NELL1: variants seen among roughly 807,000 people sequenced by gnomAD.
NELL1 encodes protein kinase C-binding protein NELL1.
A neutral mutation model predicts 107.4 loss-of-function variants in NELL1; 76 were observed. That is an observed-to-expected ratio of 0.71 (90% CI 0.59 to 0.86). The LOEUF (loss-of-function observed/expected upper bound fraction) is 0.86, where lower values mean the gene tolerates loss of function less well. Ranked by LOEUF, NELL1 falls within the 40% of genes least tolerant of loss-of-function variation. The pLI is 0.00. For missense variants in NELL1, 1,024 were observed against 1,005.5 expected (o/e 1.02, Z -0.25); for synonymous variants, 353 against 341.2 (o/e 1.03, Z -0.38).
chr11:21,209,618 T>C (rs2133858675), intron 13 of NELL1, among the ~76,000 whole-genome samples: 1 of 152,064 alleles, frequency 6.6e-6, no homozygotes, highest in East Asian at 1.9e-4. Flanking sequence ...TTACATAGTA[T>C]AAGTTTTACC....
At chr11:20,712,065 C>G (rs1855125736) in intron 2 of NELL1, among the ~76,000 whole-genome samples, 1 of 152,088 alleles carries the variant, frequency 6.6e-6, no homozygotes, top group South Asian at 2.1e-4. Context: ...TTAGATTTTT[C>G]TTTCTCCTCA....
chr11:20,974,916 C>T (rs190074340), intron 12 of NELL1, among the ~76,000 whole-genome samples: 30 of 152,172 alleles, frequency 2.0e-4, no homozygotes, highest in Non-Finnish European at 2.5e-4. Context: ...GATTTTTTTC[C>T]TAAATCAACT....
At chr11:20,892,832 G>C (rs1255294607) in intron 5 of NELL1, among the ~76,000 whole-genome samples, 1 of 151,128 alleles carries the variant, frequency 6.6e-6, no homozygotes, top group East Asian at 2.0e-4. Context: ...GGGAGGCTGA[G>C]ACAGGAGAAT....
intron 14 of NELL1, among the ~76,000 whole-genome samples, chr11:21,289,608 C>T (rs1391878869): frequency 1.3e-5 from 2 of 152,170 alleles, no homozygotes; most frequent in African/African-American, 4.8e-5. Context: ...AGGGAGCTAA[C>T]TGAAGGAGTT....
chr11:21,189,380 A>G (rs1010230269), intron 13 of NELL1, among the ~76,000 whole-genome samples: 1 of 151,802 alleles, frequency 6.6e-6, no homozygotes, highest in African/African-American at 2.4e-5. Flanking sequence ...TTTTATAATT[A>G]CCTAGTAGCT....
chr11:20,742,481 A>G (rs1855912795), intron 2 of NELL1, among the ~76,000 whole-genome samples: 1 of 152,156 alleles, frequency 6.6e-6, no homozygotes. Flanking sequence ...CACACTGCTA[A>G]TAAACACATA....
At chr11:20,998,317 A>G (rs140828432) in intron 12 of NELL1, among the ~76,000 whole-genome samples, 2 of 152,340 alleles carry the variant, frequency 1.3e-5, no homozygotes, top group Non-Finnish European at 2.9e-5. Flanking sequence ...CTGATAGATT[A>G]ATTTTCCCTC....
chr11:21,462,243 G>A (rs771230209), intron 15 of NELL1, among the ~76,000 whole-genome samples: 1 of 152,060 alleles, frequency 6.6e-6, no homozygotes, highest in Non-Finnish European at 1.5e-5. Context: ...TAACTAGGAA[G>A]GCAGCAGACA....
At position 21,036,896 on chromosome 11, in the gene NELL1, G is replaced by A. The variant is rs115353479; in HGVS notation, c.1300+76336G>A. On this transcript the variant is annotated intron_variant, in intron 12 of 19. Transcript: ENST00000357134. ...TGAAAAACATTTATTTTTATGACAC[G>A]TATTAGATAATACTATTATCTAATG... 3.9e-3 allele frequency among the ~76,000 whole-genome samples: 591 copies of A among 151,902 alleles called. 5 individuals are homozygous for A. The highest frequency in any genetic ancestry group is 0.013 in the African/African-American group (555 of 41,442).
chr11:20,687,703 T>G lies in NELL1; in HGVS notation c.184+9643T>G, dbSNP rs552388338. ...GCCTCCTGGGTTCAAGCGATTCTCC[T>G]ACCTCAGCCTCCTGAGTAGCTGGGA... is the stretch of plus-strand genomic sequence containing the variant. On this transcript the variant is annotated intron_variant, in intron 2 of 19. Transcript: ENST00000357134. Among the ~76,000 whole-genome samples the G allele has an allele frequency of 4.6e-5, 7 of 152,106 alleles. No homozygotes were observed. The East Asian group carries it at 1.4e-3, about 29-fold the overall frequency.
In NELL1 at chr11:21,489,380, C is replaced by CAAAAAAAACAA. The variant is rs1854732919; in HGVS notation, c.1646-44986_1646-44985insCAAAAAAAAAA. ...AACACCAATCTTCCTGAAAGTATTT[C>CAAAAAAAACAA]AAAAAAAAAAAAAAAAAAAAAAAAA... On this transcript the variant is annotated intron_variant, in intron 15 of 19. Transcript: ENST00000357134. Among the ~76,000 whole-genome samples, 2 of 47,800 alleles carry CAAAAAAAACAA rather than the reference C, an allele frequency of 4.2e-5. 1 individual carries two copies. The highest frequency in any genetic ancestry group is 8.1e-5 in the Non-Finnish European group (2 of 24,826). 31.4% of individuals were successfully genotyped at this position (47,800 alleles called of 152,430 possible). A position where few individuals can be genotyped will look rare whatever the true frequency, so the allele number is the denominator to read the frequency against.
intron 15 of NELL1, among the ~76,000 whole-genome samples, chr11:21,484,091 T>C (rs1854566864): frequency 6.9e-6 from 1 of 145,038 alleles, no homozygotes; most frequent in Admixed American, 7.0e-5. Flanking sequence ...TTAATAGTGG[T>C]TGTCTTGAGT....
At chr11:21,044,421 C>T (rs1279743044) in intron 12 of NELL1, among the ~76,000 whole-genome samples, 1 of 152,116 alleles carries the variant, frequency 6.6e-6, no homozygotes, top group Non-Finnish European at 1.5e-5. Context: ...GCATGTTAAG[C>T]AACGCATTTG....
At chr11:21,431,454 A>G (rs1473431175) in intron 15 of NELL1, among the ~76,000 whole-genome samples, 1 of 152,188 alleles carries the variant, frequency 6.6e-6, no homozygotes, top group Non-Finnish European at 1.5e-5. Flanking sequence ...ACCTTGAATA[A>G]TGTCTAGCAC....
At chr11:21,105,925 TTCCC>T (rs1169177341) in intron 12 of NELL1, among the ~76,000 whole-genome samples, 1 of 116,804 alleles carries the variant, frequency 8.6e-6, no homozygotes, top group African/African-American at 3.2e-5. Context: ...CCCTCCCTCA[TTCCC>T]TCCCTCCCTC....
intron 12 of NELL1, among the ~76,000 whole-genome samples, chr11:21,101,436 C>G (rs1854809630): frequency 6.6e-6 from 1 of 152,188 alleles, no homozygotes; most frequent in African/African-American, 2.4e-5. Flanking sequence ...AATGGTTGAA[C>G]TAGTTTACAG....
At chr11:21,251,307 C>A (rs1858631651) in intron 14 of NELL1, among the ~76,000 whole-genome samples, 1 of 152,072 alleles carries the variant, frequency 6.6e-6, no homozygotes, top group African/African-American at 2.4e-5. Flanking sequence ...CACAGAATTT[C>A]TGAGGTGAGG....
At chr11:20,881,477 AG>A (rs1160332080) in intron 4 of NELL1, among the ~76,000 whole-genome samples, 1 of 152,166 alleles carries the variant, frequency 6.6e-6, no homozygotes, top group Non-Finnish European at 1.5e-5. Flanking sequence ...TGCTTAACCA[AG>A]GACGAGTTAT....
intron 2 of NELL1, among the ~76,000 whole-genome samples, chr11:20,739,584 A>C (rs1044011788): frequency 2.6e-5 from 4 of 152,172 alleles, no homozygotes; most frequent in Non-Finnish European, 5.9e-5. Flanking sequence ...TTCCCTTGAC[A>C]GTGTCTTCTG....
Sources: gnomAD v4.1 joint callset for allele counts (sites outside exome capture counted in the v4.1 genomes callset) on GRCh38, gnomAD v4.1.1 for gene constraint, MANE v1.5 for transcripts, NCBI Gene and HGNC (gene_info 2026-07-23, HGNC 2026-07-21) for gene names.